WDR72: variants seen among roughly 807,000 people sequenced by gnomAD.
WDR72 encodes the protein WD repeat-containing protein 72.
In WDR72, 120 loss-of-function variants were observed where a neutral mutation model predicts 124.2. The observed-to-expected ratio is 0.97, with a 90% confidence interval of 0.83 to 1.12. The LOEUF is 1.12. Among genes scored for constraint, WDR72 ranks in the 50% most tolerant of loss-of-function variants. The probability of loss-of-function intolerance (pLI) is 0.00; values close to 1 mark genes in which losing one functional copy is unlikely to be tolerated. For missense variants in WDR72, 1,387 were observed against 1,278.8 expected (o/e 1.08, Z -1.29); for synonymous variants, 452 against 441.7 (o/e 1.02, Z -0.29).
At chr15:53,560,306 G>T (rs1157394128) in intron 18 of WDR72, among the ~76,000 whole-genome samples, 1 of 151,810 alleles carries the variant, frequency 6.6e-6, no homozygotes, top group Non-Finnish European at 1.5e-5. Flanking sequence ...TGATGCACAC[G>T]GTAGGGGTTT....
intron 18 of WDR72, among the ~76,000 whole-genome samples, chr15:53,530,101 A>C (rs915315440): frequency 2.8e-4 from 43 of 151,722 alleles, no homozygotes; most frequent in African/African-American, 8.9e-4. Flanking sequence ...CAGACACTTA[A>C]AGGAAATTTC....
chr15:53,685,577 A>G (rs1219898927), intron 13 of WDR72, among the ~76,000 whole-genome samples: 1 of 147,010 alleles, frequency 6.8e-6, no homozygotes, highest in Admixed American at 6.8e-5. Context: ...GACCAAATCT[A>G]TGTCTGATTG....
chr15:53,735,164 C>T (rs2018315873), intron 1 of WDR72, among the ~76,000 whole-genome samples: 1 of 152,026 alleles, frequency 6.6e-6, no homozygotes, highest in African/African-American at 2.4e-5. Context: ...CATGGTGGCA[C>T]ACACTGGTAA....
At chr15:53,548,431 G>A (rs1893582860) in intron 18 of WDR72, among the ~76,000 whole-genome samples, 2 of 152,140 alleles carry the variant, frequency 1.3e-5, no homozygotes, top group Non-Finnish European at 1.5e-5. Context: ...TTGTGCATCC[G>A]GATCATGTAC....
intron 17 of WDR72, among the ~76,000 whole-genome samples, chr15:53,608,534 C>T (rs779904774): frequency 2.0e-5 from 3 of 152,138 alleles, no homozygotes; most frequent in Non-Finnish European, 4.4e-5. Context: ...GTGGGAGGAT[C>T]GCTTGAGCCC....
chr15:53,710,350 C>T (rs181066248), intron 9 of WDR72, among the ~76,000 whole-genome samples: 1,578 of 148,692 alleles, frequency 0.011, 22 homozygotes, highest in African/African-American at 0.036. Flanking sequence ...TGTGTTTGTA[C>T]GTATACACAC....
chr15:53,752,370 G>A (rs1232856922), intron 1 of WDR72, among the ~76,000 whole-genome samples: 1 of 152,130 alleles, frequency 6.6e-6, no homozygotes, highest in East Asian at 1.9e-4. Context: ...ATACTGGATT[G>A]GGGTGAGCTC....
chr15:53,710,366 C>A (rs940392639), intron 9 of WDR72, among the ~76,000 whole-genome samples: 1 of 144,930 alleles, frequency 6.9e-6, no homozygotes, highest in South Asian at 2.3e-4. Flanking sequence ...CACACACACA[C>A]ACACAAATGC....
chr15:53,594,173 C>T (rs968984857), intron 18 of WDR72, among the ~76,000 whole-genome samples: 17 of 151,582 alleles, frequency 1.1e-4, no homozygotes, highest in African/African-American at 3.9e-4. Flanking sequence ...TGCCATATTG[C>T]TATAATCCTA....
chr15:53,690,947 C>T (rs2016818828), intron 13 of WDR72, among the ~76,000 whole-genome samples: 1 of 152,116 alleles, frequency 6.6e-6, no homozygotes, highest in South Asian at 2.1e-4. Flanking sequence ...CTATTTTCTC[C>T]ATTTTTGCTA....
At chr15:53,599,238 G>C (rs1346891697) in intron 17 of WDR72, among the ~76,000 whole-genome samples, 1 of 151,962 alleles carries the variant, frequency 6.6e-6, no homozygotes, top group Non-Finnish European at 1.5e-5. Flanking sequence ...TATCTCACAT[G>C]ATGGGATATA....
At chr15:53,528,686 G>A (rs1011622554) in intron 18 of WDR72, among the ~76,000 whole-genome samples, 2 of 151,980 alleles carry the variant, frequency 1.3e-5, no homozygotes, top group African/African-American at 2.4e-5. Flanking sequence ...CACACAGAGA[G>A]GATTAAATTA....
At chr15:53,675,494 TTATC>T (rs1353858379) in intron 13 of WDR72, among the ~76,000 whole-genome samples, 2 of 152,220 alleles carry the variant, frequency 1.3e-5, no homozygotes, top group African/African-American at 4.8e-5. Flanking sequence ...AATTGTACAA[TTATC>T]TATTATATAC....
In WDR72 at chr15:53,699,935, T is replaced by C; in HGVS notation, c.1580A>G (p.Glu527Gly). 6.2e-7 allele frequency: 1 copy of C among 1,614,182 alleles called. No homozygotes were observed. Among genetic ancestry groups the C allele is most frequent in the Non-Finnish European group, 8.5e-7 (1 of 1,180,044 alleles). Residue 527 changes from glutamate (E) to glycine (G), a missense_variant, in exon 13 of 20, where the codon GAG (glutamate) becomes GGG (glycine). Coordinates refer to ENST00000360509, the MANE Select transcript of WDR72 (RefSeq NM_182758.4). Reference sequence around the variant, plus strand: ...ACCGCACACACAGCAAATTATCTGCTCACCCCTTAGCTGTGAAAAAACAAC... The same window carrying C: ...ACCGCACACACAGCAAATTATCTGCCCACCCCTTAGCTGTGAAAAAACAAC... The part of the protein sequence containing the change: ...MSPEKFKLRG[E>G]QIICCVCGDH...
chr15:53,714,370 T>G, intron 6 of WDR72, 64 bp downstream of exon 6: 2 of 1,341,214 alleles, frequency 1.5e-6, no homozygotes, highest in South Asian at 2.4e-5. Flanking sequence ...AGCCTTAAAA[T>G]TTATAAATTT....
intron 18 of WDR72, among the ~76,000 whole-genome samples, chr15:53,578,276 C>G (rs1282240122): frequency 6.6e-6 from 1 of 152,048 alleles, no homozygotes; most frequent in Non-Finnish European, 1.5e-5. Context: ...AGTGGTGTGA[C>G]AGAAGTACAG....
At chr15:53,656,051 T>C (rs540645101) in intron 14 of WDR72, among the ~76,000 whole-genome samples, 54 of 152,294 alleles carry the variant, frequency 3.5e-4, no homozygotes, top group Middle Eastern at 3.4e-3. Flanking sequence ...TGCGAAGACA[T>C]AGAACAACTA....
At chr15:53,600,745 C>G (rs1262491432) in intron 17 of WDR72, among the ~76,000 whole-genome samples, 1 of 152,094 alleles carries the variant, frequency 6.6e-6, no homozygotes, top group Non-Finnish European at 1.5e-5. Context: ...CCTTTCCTGT[C>G]TTTAGGGTGT....
intron 11 of WDR72, 120 bp downstream of exon 11, chr15:53,704,868 T>A: frequency 8.9e-7 from 1 of 1,120,888 alleles, no homozygotes; most frequent in Non-Finnish European, 1.3e-6. Flanking sequence ...TTAAAATATG[T>A]ACATATTTAT....
Sources: gnomAD v4.1 joint callset for allele counts (sites outside exome capture counted in the v4.1 genomes callset) on GRCh38, gnomAD v4.1.1 for gene constraint, MANE v1.5 for transcripts, NCBI Gene and HGNC (gene_info 2026-07-23, HGNC 2026-07-21) for gene names.